BMP5: variants seen among roughly 807,000 people sequenced by gnomAD.
The protein encoded by BMP5 is bone morphogenetic protein 5.
BMP5 carries 23 observed loss-of-function variants against 46.6 expected under a neutral mutation model. That is an observed-to-expected ratio of 0.49 (90% CI 0.35 to 0.70). BMP5 has a LOEUF of 0.70. Ranked by LOEUF, BMP5 falls within the 30% of genes least tolerant of loss-of-function variation. The pLI is 0.00. For missense variants in BMP5, 545 were observed against 565.6 expected (o/e 0.96, Z 0.37); for synonymous variants, 204 against 191.9 (o/e 1.06, Z -0.52).
At position 55,802,652 on chromosome 6, in the gene BMP5, G is replaced by A. The variant is rs143560029; in HGVS notation, c.684-8225C>T. On this transcript the variant is annotated intron_variant, in intron 2 of 6. Coordinates refer to ENST00000370830, the MANE Select transcript of BMP5 (RefSeq NM_021073.4). ...ACCAACTGCAACCATGTGACTAGCT[G>A]CAGAAATGAGTATTGTAATATGGTA... 6.8e-3 allele frequency among the ~76,000 whole-genome samples: 1,031 copies of A among 151,956 alleles called. 13 individuals are homozygous for A. The highest frequency in any genetic ancestry group is 0.023 in the African/African-American group (971 of 41,448).
At chr6:55,771,883 T>C (rs1045910266) in intron 4 of BMP5, among the ~76,000 whole-genome samples, 1 of 151,900 alleles carries the variant, frequency 6.6e-6, no homozygotes, top group Non-Finnish European at 1.5e-5. Context: ...TATTTATATT[T>C]GGATAATTTT....
chr6:55,872,931 T>A (rs1777819211), intron 1 of BMP5, among the ~76,000 whole-genome samples: 1 of 151,868 alleles, frequency 6.6e-6, no homozygotes, highest in Non-Finnish European at 1.5e-5. Flanking sequence ...TCACATTAAT[T>A]TGAAATTAAG....
chr6:55,855,397 A>AG (rs566543778), intron 1 of BMP5, among the ~76,000 whole-genome samples: 46 of 151,780 alleles, frequency 3.0e-4, no homozygotes, highest in Non-Finnish European at 4.7e-4. Context: ...AAGAAAAAAA[A>AG]GGGGGGGGAT....
At chr6:55,764,349 G>A (rs1427351232) in intron 4 of BMP5, among the ~76,000 whole-genome samples, 3 of 152,058 alleles carry the variant, frequency 2.0e-5, no homozygotes, top group African/African-American at 4.8e-5. Context: ...CAAGGAGGGC[G>A]GATCACGAGG....
intron 6 of BMP5, among the ~76,000 whole-genome samples, chr6:55,757,471 T>A (rs1269548649): frequency 1.3e-5 from 2 of 152,020 alleles, no homozygotes; most frequent in Non-Finnish European, 2.9e-5. Context: ...TCAACATGAA[T>A]TCTCATATAC....
chr6:55,863,197 T>G (rs1298338655), intron 1 of BMP5, among the ~76,000 whole-genome samples: 3 of 152,190 alleles, frequency 2.0e-5, no homozygotes, highest in Non-Finnish European at 4.4e-5. Flanking sequence ...ATCTACTTCC[T>G]TGAGGGCTAT....
intron 3 of BMP5, among the ~76,000 whole-genome samples, chr6:55,785,000 G>T (rs1775412567): frequency 6.6e-6 from 1 of 151,744 alleles, no homozygotes; most frequent in Admixed American, 6.6e-5. Flanking sequence ...AAAGAGCTTA[G>T]CAAAATGGTT....
At chr6:55,773,284 A>G (rs16887121) in intron 4 of BMP5, among the ~76,000 whole-genome samples, 14,884 of 151,882 alleles carry the variant, frequency 0.098, 1,077 homozygotes, top group African/African-American at 0.2. Context: ...TCAATTTTTG[A>G]ACTAAAATAG....
chr6:55,795,393 T>C (rs1775684609), intron 2 of BMP5, among the ~76,000 whole-genome samples: 1 of 152,030 alleles, frequency 6.6e-6, no homozygotes, highest in African/African-American at 2.4e-5. Context: ...ATTGAATCTA[T>C]TTAAGAGCAT....
At chr6:55,808,004 G>A (rs543534188) in intron 2 of BMP5, among the ~76,000 whole-genome samples, 1 of 152,212 alleles carries the variant, frequency 6.6e-6, no homozygotes, top group African/African-American at 2.4e-5. Context: ...ACTGTTCCTT[G>A]ATGGAGGAGG....
rs139952385 is a variant in BMP5, at chr6:55,807,159, G to A, written c.683+12496C>T. ...CCTTATCTTGTGTCGGTTTTTAAAG[G>A]GAATGCTTCCAGCTTTTGCCCATTC... On this transcript the variant is annotated intron_variant, in intron 2 of 6. Transcript: ENST00000370830. Among the ~76,000 whole-genome samples the A allele has an allele frequency of 3.3e-3, 509 of 152,242 alleles. 2 individuals are homozygous for A. Among genetic ancestry groups the A allele is most frequent in the African/African-American group, 0.012 (480 of 41,562 alleles).
chr6:55,787,198 A>T (rs1775470094), intron 3 of BMP5, among the ~76,000 whole-genome samples: 1 of 151,614 alleles, frequency 6.6e-6, no homozygotes, highest in Admixed American at 6.6e-5. Flanking sequence ...TCTTTCCCTG[A>T]GGTAAAAACC....
chr6:55,813,406 T>C (rs1260380965), intron 2 of BMP5, among the ~76,000 whole-genome samples: 1 of 151,910 alleles, frequency 6.6e-6, no homozygotes, highest in Non-Finnish European at 1.5e-5. Context: ...TTATTTAAAA[T>C]AGTATAATAA....
chr6:55,763,176 G>A (rs9475397), intron 4 of BMP5, among the ~76,000 whole-genome samples: 29,381 of 151,650 alleles, frequency 0.19, 3,025 homozygotes, highest in African/African-American at 0.25. Flanking sequence ...TATTAAATAT[G>A]AATAACAACA....
chr6:55,814,193 TTAAA>T (rs1317191034), intron 2 of BMP5, among the ~76,000 whole-genome samples: 1 of 152,110 alleles, frequency 6.6e-6, no homozygotes, highest in African/African-American at 2.4e-5. Context: ...TAATTATTTA[TTAAA>T]TAAAGACACC....
chr6:55,782,545 A>T (rs1215434869), intron 3 of BMP5, among the ~76,000 whole-genome samples: 1 of 152,278 alleles, frequency 6.6e-6, no homozygotes, highest in Non-Finnish European at 1.5e-5. Flanking sequence ...GCTGGTTTCC[A>T]AGAGTGTTTT....
At chr6:55,805,656 TG>T (rs2127533148) in intron 2 of BMP5, among the ~76,000 whole-genome samples, 1 of 152,280 alleles carries the variant, frequency 6.6e-6, no homozygotes, top group Admixed American at 6.5e-5. Flanking sequence ...TCTTCCACAG[TG>T]GTTGAACTAA....
chr6:55,791,881 T>A (rs1369501426), intron 3 of BMP5, among the ~76,000 whole-genome samples: 1 of 152,210 alleles, frequency 6.6e-6, no homozygotes, highest in Non-Finnish European at 1.5e-5. Context: ...AATTTCATTT[T>A]TCTTGTTTGG....
intron 1 of BMP5, 78 bp downstream of exon 1, chr6:55,874,298 T>A: frequency 1.9e-6 from 3 of 1,586,780 alleles, no homozygotes; most frequent in Non-Finnish European, 2.6e-6. Context: ...CATGACCACC[T>A]ACCAAGCAGC....
Sources: gnomAD v4.1 joint callset for allele counts (sites outside exome capture counted in the v4.1 genomes callset) on GRCh38, gnomAD v4.1.1 for gene constraint, MANE v1.5 for transcripts, NCBI Gene and HGNC (gene_info 2026-07-23, HGNC 2026-07-21) for gene names.